The following RFTN1 variants were observed in gnomAD, a reference collection of about 807,000 sequenced individuals.
The protein encoded by RFTN1 is raftlin.
Under a neutral mutation model 46.5 loss-of-function variants are expected in RFTN1, and 26 were observed. The observed-to-expected ratio is 0.56, with a 90% CI of 0.41 to 0.78. The LOEUF (loss-of-function observed/expected upper bound fraction) is 0.78, where lower values mean the gene tolerates loss of function less well. RFTN1 is among the 30% of genes least tolerant of loss of function. The pLI is 0.00. For synonymous variants in RFTN1, 261 were observed against 284.2 expected (o/e 0.92, Z 0.82); for missense variants, 693 against 718.7 (o/e 0.96, Z 0.41).
chr3:16,383,335 C>T lies in RFTN1; in HGVS notation c.442-5233G>A, dbSNP rs1382800562. ...CCTGCCCCAAATACTTAAAGAGTAA[C>T]AATTTCTGGTTGAGGCACTGAAAAT... On this transcript the variant is annotated intron_variant, in intron 4 of 9. Coordinates refer to ENST00000334133, the MANE Select transcript of RFTN1 (RefSeq NM_015150.2). The surrounding 1 kb of genome is among the most constrained non-coding windows in gnomAD (Gnocchi z 4.0). 6.6e-6 allele frequency among the ~76,000 whole-genome samples: 1 copy of T among 152,208 alleles called. No homozygotes were observed. The highest frequency in any genetic ancestry group is 1.5e-5 in the Non-Finnish European group (1 of 68,040).
At chr3:16,389,186 ATTGCTATCCTAGTTTTAACCC>A (rs1334751906) in intron 4 of RFTN1, among the ~76,000 whole-genome samples, 1 of 152,218 alleles carries the variant, frequency 6.6e-6, no homozygotes, top group Non-Finnish European at 1.5e-5. Context: ...GCCATTGGGC[ATTGCTATCCTAGTTTTAACCC>A]TTGGTTAAAA....
At chr3:16,373,342 C>T (rs560616) in intron 5 of RFTN1, among the ~76,000 whole-genome samples, 71,827 of 151,884 alleles carry the variant, frequency 0.47, 17,515 homozygotes, top group African/African-American at 0.53. Flanking sequence ...ACGTGTTCAC[C>T]GTATTGACCT....
At chr3:16,394,352 G>A (rs1214316224) in intron 4 of RFTN1, among the ~76,000 whole-genome samples, 2 of 152,052 alleles carry the variant, frequency 1.3e-5, no homozygotes, top group Admixed American at 6.6e-5. Context: ...CTCTAGCTTG[G>A]GCAACACAGT....
intron 2 of RFTN1, among the ~76,000 whole-genome samples, chr3:16,476,075 G>A (rs2076277343): frequency 6.6e-6 from 1 of 152,216 alleles, no homozygotes; most frequent in African/African-American, 2.4e-5. Context: ...GACTGTGCTG[G>A]TCATTTAGTT....
At chr3:16,508,843 A>T (rs1163519430) in intron 1 of RFTN1, among the ~76,000 whole-genome samples, 1 of 149,704 alleles carries the variant, frequency 6.7e-6, no homozygotes, top group Non-Finnish European at 1.5e-5. Flanking sequence ...TAAAAAAAAA[A>T]CACCACAGAG....
Position 16,329,662 on chromosome 3 carries a change from C to G in RFTN1, c.1147-2786G>C, listed in dbSNP as rs546651964. On this transcript the variant is annotated intron_variant, in intron 7 of 9. Transcript: ENST00000334133. This position sits in a 1 kb window ranked among gnomAD's most constrained non-coding sequence, Gnocchi z 4.5. The stretch of plus-strand genomic sequence containing the variant: ...TCCTGAGAATCCCTGCCCCCATCCC[C>G]GTATTCCCAGTTTAAAGAGAGGAGG... 6.6e-6 allele frequency among the ~76,000 whole-genome samples: 1 copy of G among 152,290 alleles called. No individual in the cohort carries two copies. Among genetic ancestry groups the G allele is most frequent in the Admixed American group, 6.5e-5 (1 of 15,310 alleles).
intron 3 of RFTN1, among the ~76,000 whole-genome samples, chr3:16,414,404 C>T (rs1296231202): frequency 2.0e-5 from 3 of 151,636 alleles, no homozygotes; most frequent in East Asian, 3.9e-4. Flanking sequence ...GTCAGGGGTT[C>T]GAGACCAGCC....
chr3:16,454,308 G>C (rs559001755), intron 2 of RFTN1, among the ~76,000 whole-genome samples: 9 of 152,170 alleles, frequency 5.9e-5, no homozygotes, highest in Non-Finnish European at 1.0e-4. Flanking sequence ...AGACCATGCC[G>C]TGCTGACTTC....
At chr3:16,355,046 C>G (rs2072345958) in intron 7 of RFTN1, among the ~76,000 whole-genome samples, 1 of 152,146 alleles carries the variant, frequency 6.6e-6, no homozygotes, top group Non-Finnish European at 1.5e-5. Flanking sequence ...TTTCTATGAA[C>G]ATTCTGATCA....
At chr3:16,497,181 T>C (rs1317050214) in intron 1 of RFTN1, among the ~76,000 whole-genome samples, 1 of 152,306 alleles carries the variant, frequency 6.6e-6, no homozygotes, top group Non-Finnish European at 1.5e-5. Context: ...GCAGTCTCTG[T>C]ATTGATTTGT....
intron 7 of RFTN1, among the ~76,000 whole-genome samples, chr3:16,333,763 C>T (rs896629214): frequency 5.9e-5 from 9 of 151,894 alleles, no homozygotes; most frequent in African/African-American, 2.2e-4. Flanking sequence ...AAGAAAAAAT[C>T]CAATAATCCA....
At position 16,382,637 on chromosome 3, in the gene RFTN1, A is replaced by G. The variant is rs531746910; in HGVS notation, c.442-4535T>C. 6.6e-6 allele frequency among the ~76,000 whole-genome samples: 1 copy of G among 152,272 alleles called. No homozygotes were observed. Among genetic ancestry groups the G allele is most frequent in the South Asian group, 2.1e-4 (1 of 4,816 alleles). ...CAAGTTCAGACCTACACAGAAGACG[A>G]TCACAGCTGACGGGTCCACTGTTGA... is the stretch of plus-strand genomic sequence containing the variant. On this transcript the variant is annotated intron_variant, in intron 4 of 9. Coordinates refer to ENST00000334133, the MANE Select transcript of RFTN1 (RefSeq NM_015150.2). The surrounding 1 kb of genome is among the most constrained non-coding windows in gnomAD (Gnocchi z 4.7).
chr3:16,504,750 T>A lies in RFTN1; in HGVS notation c.-9+8692A>T, dbSNP rs574371284. Among the ~76,000 whole-genome samples the A allele has an allele frequency of 4.7e-4, 71 of 152,296 alleles. No homozygotes were observed. The highest frequency in any genetic ancestry group is 7.9e-4 in the Non-Finnish European group (54 of 68,010). ...CCCAGTTCCCTTCCCAGCCTGCCTG[T>A]CTTCTCTCCAGCTCCAGGCAGACAT... On this transcript the variant is annotated intron_variant, in intron 1 of 9. Transcript: ENST00000334133. This position sits in a 1 kb window ranked among gnomAD's most constrained non-coding sequence, Gnocchi z 4.4.
rs1397917388 is a variant in RFTN1 at position 16,374,093 on chromosome 3, T to C, written c.826+3625A>G. 6.6e-6 allele frequency among the ~76,000 whole-genome samples: 1 copy of C among 152,210 alleles called. No homozygotes were observed. Among genetic ancestry groups the C allele is most frequent in the East Asian group, 1.9e-4 (1 of 5,198 alleles). ...AAGCATGACAGCAGCCACAGGCATG[T>C]GTCCCATATTTACAAGGGCCTTTCA... is the stretch of plus-strand genomic sequence containing the variant. On this transcript the variant is annotated intron_variant, in intron 5 of 9. Coordinates refer to ENST00000334133, the MANE Select transcript of RFTN1 (RefSeq NM_015150.2). The surrounding 1 kb of genome is among the most constrained non-coding windows in gnomAD (Gnocchi z 5.4).
chr3:16,501,546 A>G (rs559984133), intron 1 of RFTN1, among the ~76,000 whole-genome samples: 1 of 152,226 alleles, frequency 6.6e-6, no homozygotes, highest in Non-Finnish European at 1.5e-5. Context: ...TGTAAAGCTA[A>G]TTTTAACAAA....
Position 16,326,989 on chromosome 3 carries a change from C to G in RFTN1, c.1147-113G>C, listed in dbSNP as rs939519884. On this transcript the variant is annotated intron_variant, in intron 7 of 9. Coordinates refer to ENST00000334133, the MANE Select transcript of RFTN1 (RefSeq NM_015150.2). ...CAAAACAGAAAAGAAGTGGCGGTGC[C>G]CGGCCACTCAGAGGCTCCTGCTCCG... The G allele has an allele frequency of 6.8e-6, 5 of 733,570 alleles. No individual in the cohort carries two copies. The African/African-American group carries it at 8.9e-5, about 13-fold the overall frequency. The allele number at this position is 733,570 out of a possible 1,614,324, so 45.4% of individuals were successfully genotyped here.
chr3:16,399,220 T>C (rs2074545382), intron 4 of RFTN1, among the ~76,000 whole-genome samples: 1 of 152,022 alleles, frequency 6.6e-6, no homozygotes, highest in Non-Finnish European at 1.5e-5. Context: ...AGGAGAACAA[T>C]GAAGATAATT....
rs1214035858 is a variant in RFTN1, at chr3:16,442,807, G to C, written c.146-8770C>G. 1.3e-5 allele frequency among the ~76,000 whole-genome samples: 2 copies of C among 152,074 alleles called. No homozygotes were observed. Among genetic ancestry groups the C allele is most frequent in the African/African-American group, 4.8e-5 (2 of 41,404 alleles). On this transcript the variant is annotated intron_variant, in intron 2 of 9. Transcript: ENST00000334133. This position sits in a 1 kb window ranked among gnomAD's most constrained non-coding sequence, Gnocchi z 4.1. Reference sequence around the variant, plus strand: ...TGTATTTGATTTTTAGTTTAAGATTGCACATATATGCAAGATTACGTAGTA... The same window carrying C: ...TGTATTTGATTTTTAGTTTAAGATTCCACATATATGCAAGATTACGTAGTA...
At chr3:16,430,040 T>C (rs1416656308) in intron 3 of RFTN1, among the ~76,000 whole-genome samples, 2 of 152,248 alleles carry the variant, frequency 1.3e-5, no homozygotes, top group African/African-American at 4.8e-5. Flanking sequence ...TAAAAATTAA[T>C]CACAAAAGTC....
Sources: gnomAD v4.1 joint callset for allele counts (sites outside exome capture counted in the v4.1 genomes callset) on GRCh38, gnomAD v4.1.1 for gene constraint, Gnocchi (gnomAD v3.1) non-coding constraint, MANE v1.5 for transcripts, NCBI Gene and HGNC (gene_info 2026-07-23, HGNC 2026-07-21) for gene names.